GOLGA3: variants seen among roughly 807,000 people sequenced by gnomAD.
GOLGA3 encodes the protein golgin subfamily A member 3.
In GOLGA3, 75 loss-of-function variants were observed where a neutral mutation model predicts 169.4. The ratio of observed to expected loss-of-function variants is 0.44; its 90% CI spans 0.37 to 0.54. GOLGA3 has a LOEUF of 0.54. Ranked by LOEUF, GOLGA3 falls within the 20% of genes least tolerant of loss-of-function variation. The pLI is 0.00. For synonymous variants in GOLGA3, 824 were observed against 822.4 expected, an observed-to-expected ratio of 1.00 and a Z score of -0.03; for missense variants, 1,899 against 1,930.0, an observed-to-expected ratio of 0.98 and a Z score of 0.30.
Position 132,813,330 on chromosome 12 carries a change from T to G in GOLGA3, c.496A>C (p.Arg166=), listed in dbSNP as rs1453561887. 1 of 1,612,440 alleles carries G rather than the reference T, an allele frequency of 6.2e-7. No homozygotes were observed. The highest frequency in any genetic ancestry group is 1.1e-5 in the South Asian group (1 of 91,058). The change falls in exon 4 of 24, where the codon AGG becomes CGG. Residue 166 remains arginine (R), a synonymous_variant. Coordinates refer to ENST00000450791, the MANE Select transcript of GOLGA3 (RefSeq NM_001389683.1). ...ACCCTCTCCTGCTGGCGCTTCACCCTGTACTGTTTGAGCTGCTCTTCCAGC... is the reference window on the plus strand; with the variant it reads ...ACCCTCTCCTGCTGGCGCTTCACCCGGTACTGTTTGAGCTGCTCTTCCAGC... ...KWLEEQLKQY[R]VKRQQERSSQ...
At chr12:132,813,216 G>A (rs1949801876) in intron 4 of GOLGA3, 91 bp downstream of exon 4, 1 of 814,618 alleles carries the variant, frequency 1.2e-6, no homozygotes, top group South Asian at 1.4e-5. Context: ...GCTCAGAGAA[G>A]CCAATGGCAG....
chr12:132,802,818 G>A (rs1489757265), intron 7 of GOLGA3, among the ~76,000 whole-genome samples: 1 of 152,140 alleles, frequency 6.6e-6, no homozygotes, highest in Non-Finnish European at 1.5e-5. Flanking sequence ...CACTTTGGGA[G>A]GCTGAGGCGG....
chr12:132,796,071 C>G lies in GOLGA3; in HGVS notation c.2250G>C (p.Leu750=). 1 of 1,612,934 alleles carries G rather than the reference C, an allele frequency of 6.2e-7. No individual in the cohort carries two copies. The highest frequency in any genetic ancestry group is 8.5e-7 in the Non-Finnish European group (1 of 1,179,962). The change falls in exon 11 of 24, where the codon CTG becomes CTC. Residue 750 remains leucine (L), a synonymous_variant. Coordinates refer to ENST00000450791, the MANE Select transcript of GOLGA3 (RefSeq NM_001389683.1). ...LDALQTHYDE[L]QARLGELQGE... ...CCTGCAGCTCCCCCAGCCTGGCCTG[C>G]AGCTCATCGTAGTGTGTCTGCAGGG...
Position 132,822,109 on chromosome 12 carries a change from T to C in GOLGA3, c.20A>G (p.Glu7Gly), listed in dbSNP as rs754680278. The change falls in exon 2 of 24, where the codon GAG becomes GGG. Residue 7 changes from glutamate to glycine, a missense_variant. Coordinates refer to ENST00000450791, the MANE Select transcript of GOLGA3 (RefSeq NM_001389683.1). MDGASAEQDGLQEDRSH... is the reference protein window; with the variant it reads MDGASAGQDGLQEDRSH... ...TCTGTCCTCCTGGAGGCCATCTTGC[T>C]CGGCCGACGCGCCGTCCATGGTCAG... 1 of 1,607,448 alleles carries C rather than the reference T, an allele frequency of 6.2e-7. No individual in the cohort carries two copies. Among genetic ancestry groups the C allele is most frequent in the African/African-American group, 1.3e-5 (1 of 74,334 alleles).
In GOLGA3 at chr12:132,813,287, T is replaced by C. The variant is rs767328972; in HGVS notation, c.519+20A>G. The C allele has an allele frequency of 4.0e-6, 6 of 1,508,674 alleles. No homozygotes were observed. The highest frequency in any genetic ancestry group is 1.7e-5 in the Admixed American group (1 of 59,794). The allele number at this position is 1,508,674 out of a possible 1,614,324, so 93.5% of individuals were successfully genotyped here. ...GCACAGGAAGCTTTCCATGAGCTTG[T>C]TCGGGAGAGGGAGACTCACCCTCTC... On this transcript the variant is annotated intron_variant, in intron 4 of 23. Coordinates refer to ENST00000450791, the MANE Select transcript of GOLGA3 (RefSeq NM_001389683.1).
chr12:132,807,316 G>T, intron 5 of GOLGA3, 28 bp from the exon 6 acceptor site: 1 of 1,297,952 alleles, frequency 7.7e-7, no homozygotes, highest in Non-Finnish European at 1.1e-6. Context: ...GGTCAGGCCT[G>T]TGCGAGCCAT....
At chr12:132,787,563 T>C (rs1343120754) in intron 13 of GOLGA3, among the ~76,000 whole-genome samples, 50 of 11,336 alleles carry the variant, frequency 4.4e-3, no homozygotes, top group Admixed American at 7.4e-3. Context: ...CCCAGGACCC[T>C]TCCTGAGACC....
intron 4 of GOLGA3, among the ~76,000 whole-genome samples, chr12:132,808,904 A>T (rs1238993498): frequency 1.3e-5 from 2 of 152,188 alleles, no homozygotes; most frequent in African/African-American, 4.8e-5. Flanking sequence ...CGGCGACGAG[A>T]GTGTAGAAAT....
intron 23 of GOLGA3, among the ~76,000 whole-genome samples, chr12:132,773,725 C>T (rs2045041079): frequency 6.6e-6 from 1 of 151,912 alleles, no homozygotes; most frequent in African/African-American, 2.4e-5. Context: ...AGTTCCCCCA[C>T]CTTTATATAA....
Position 132,770,352 on chromosome 12 carries a change from A to G in GOLGA3, c.*2753T>C, listed in dbSNP as rs1376477133. On this transcript the variant is annotated 3_prime_UTR_variant, in exon 24 of 24. Transcript: ENST00000450791. ...CACAAGCCGTGCATGAAAACACCAA[A>G]AGACTCACTGCAGGGAGCAAAGGCA... 6.6e-6 allele frequency: 1 copy of G among 150,770 alleles called. No individual in the cohort carries two copies. The allele number at this position is 150,770 out of a possible 1,614,324, so 9.3% of individuals were successfully genotyped here.
intron 10 of GOLGA3, 27 bp from the exon 11 acceptor site, chr12:132,796,247 C>T (rs1283583053): frequency 6.4e-7 from 1 of 1,562,756 alleles, no homozygotes; most frequent in African/African-American, 1.4e-5. Context: ...GCCCACATGG[C>T]TGCGCCTGAC....
intron 4 of GOLGA3, 39 bp downstream of exon 4, chr12:132,813,268 G>A (rs1382178903): frequency 7.2e-7 from 1 of 1,380,380 alleles, no homozygotes; most frequent in African/African-American, 1.4e-5. Flanking sequence ...TCTGGCACAG[G>A]AAGCTTTCCA....
At chr12:132,825,272 C>A (rs1174303997) in intron 1 of GOLGA3, among the ~76,000 whole-genome samples, 1 of 152,122 alleles carries the variant, frequency 6.6e-6, no homozygotes, top group Non-Finnish European at 1.5e-5. Context: ...ACCCTCCTGG[C>A]CCCGCAGGTA....
At chr12:132,825,680 CT>C in intron 1 of GOLGA3, 2 of 1,055,254 alleles carry the variant, frequency 1.9e-6, no homozygotes, top group South Asian at 1.3e-5. Flanking sequence ...GGAAGAGCAC[CT>C]TTTTTCAGTG....
intron 2 of GOLGA3, 94 bp from the exon 3 acceptor site, chr12:132,816,906 C>G: frequency 8.8e-7 from 1 of 1,134,300 alleles, no homozygotes; most frequent in Non-Finnish European, 1.2e-6. Flanking sequence ...GAAGAGGATC[C>G]AGACTCATGA....
chr12:132,789,517 G>A (rs954930961), intron 12 of GOLGA3, among the ~76,000 whole-genome samples: 1 of 152,222 alleles, frequency 6.6e-6, no homozygotes, highest in African/African-American at 2.4e-5. Flanking sequence ...GCACAAGGCA[G>A]TCACACCGGC....
chr12:132,804,997 T>C lies in GOLGA3; in HGVS notation c.1316A>G (p.Gln439Arg). ...CGTGCTGAGGGCGGCCAGCTGGGCC[T>C]GCAGCTCAGCCTTCTCTTTAAGTGC... ...SQALKEKAELQAQLAALSTKL... is the reference protein window; with the variant it reads ...SQALKEKAELRAQLAALSTKL... Residue 439 changes from glutamine to arginine, a missense_variant, in exon 7 of 24, where the codon CAG becomes CGG. Gln to Arg is a conservative substitution (Grantham distance 43). Transcript: ENST00000450791. The surrounding 1 kb of genome is among the most constrained non-coding windows in gnomAD (Gnocchi z 4.1). 1 of 1,610,764 alleles carries C rather than the reference T, an allele frequency of 6.2e-7. No individual in the cohort carries two copies. The highest frequency in any genetic ancestry group is 8.5e-7 in the Non-Finnish European group (1 of 1,179,686).
chr12:132,805,050 T>C lies in GOLGA3; in HGVS notation c.1291-28A>G, dbSNP rs201444758. 6 of 1,592,382 alleles carry C rather than the reference T, an allele frequency of 3.8e-6. No individual in the cohort carries two copies. The East Asian group carries it at 1.3e-4, about 36-fold the overall frequency. ...GAAAAGATCCCAACAACCACAATGA[T>C]TTTAAGAAAACGAGTCACTTCCATC... On this transcript the variant is annotated intron_variant, in intron 6 of 23. Coordinates refer to ENST00000450791, the MANE Select transcript of GOLGA3 (RefSeq NM_001389683.1).
chr12:132,812,068 A>C lies in GOLGA3; in HGVS notation c.519+1239T>G, dbSNP rs148058141. 2.6e-4 allele frequency among the ~76,000 whole-genome samples: 39 copies of C among 150,762 alleles called. No individual in the cohort carries two copies. In the East Asian group the frequency reaches 4.7e-3, roughly 18 times the overall value. On this transcript the variant is annotated intron_variant, in intron 4 of 23. Coordinates refer to ENST00000450791, the MANE Select transcript of GOLGA3 (RefSeq NM_001389683.1). ...CCGGGCATGGTGGCACGTGCTTTTA[A>C]TCCCAGTTACTCGGGAGGCTGAGGC...
Sources: allele counts gnomAD v4.1 joint callset (sites outside exome capture counted in the v4.1 genomes callset), GRCh38; gene constraint gnomAD v4.1.1; non-coding constraint Gnocchi (gnomAD v3.1); transcripts MANE v1.5; gene names NCBI Gene and HGNC (gene_info 2026-07-23, HGNC 2026-07-21).